ORC1: variants seen among roughly 807,000 people sequenced by gnomAD.
ORC1 encodes the protein origin recognition complex, subunit 1 homolog.
Under a neutral mutation model 98.9 loss-of-function variants are expected in ORC1, and 61 were observed. The ratio of observed to expected loss-of-function variants is 0.62; its 90% CI spans 0.50 to 0.76. ORC1 has a LOEUF of 0.76. Ranked by LOEUF, ORC1 falls within the 30% of genes least tolerant of loss-of-function variation. The probability of loss-of-function intolerance (pLI) is 0.00; values close to 1 mark genes in which losing one functional copy is unlikely to be tolerated. For missense variants in ORC1, 979 were observed against 1,072.2 expected, an observed-to-expected ratio of 0.91 and a Z score of 1.21; for synonymous variants, 385 against 406.9, an observed-to-expected ratio of 0.95 and a Z score of 0.65.
At position 52,397,669 on chromosome 1, in the gene ORC1, T is replaced by C. The variant is rs1286670269; in HGVS notation, c.402+16A>G. The C allele has an allele frequency of 1.9e-6, 3 of 1,613,498 alleles. No homozygotes were observed. In the South Asian group the frequency reaches 3.3e-5, roughly 18 times the overall value. On this transcript the variant is annotated intron_variant, in intron 4 of 16. Coordinates refer to ENST00000371568, the MANE Select transcript of ORC1 (RefSeq NM_004153.4). ...ATAAGCTTCAAGGTAGAACCAAGGA[T>C]GGTGGCATCACCTACCCGAACAAGG... is the stretch of plus-strand genomic sequence containing the variant.
intron 14 of ORC1, among the ~76,000 whole-genome samples, chr1:52,376,895 C>T (rs894281711): frequency 5.3e-5 from 8 of 152,174 alleles, no homozygotes; most frequent in Non-Finnish European, 1.0e-4. Flanking sequence ...GCACCTGAAA[C>T]TTGACCTCCA....
Position 52,388,442 on chromosome 1 carries a change from A to G in ORC1, c.1383T>C (p.Ser461=), listed in dbSNP as rs200773796. The change falls in exon 8 of 17, where the codon AGT becomes AGC. Residue 461 remains serine, a splice_region_variant and synonymous_variant. Coordinates refer to ENST00000371568, the MANE Select transcript of ORC1 (RefSeq NM_004153.4). ...GGAAGTAAACCTAGAAGAACCTTAC[A>G]CTCTTCTTTGGCACCTTCGTGAGGG... ...LHTLTKVPKK[S]LKPRTPRCAA... is the part of the protein sequence containing the mutation. 1.6e-4 allele frequency: 253 copies of G among 1,612,304 alleles called. No individual in the cohort carries two copies. Among genetic ancestry groups the G allele is most frequent in the Non-Finnish European group, 2.0e-4 (234 of 1,178,524 alleles).
Position 52,383,500 on chromosome 1 carries a change from C to A in ORC1, c.1933G>T (p.Ala645Ser). The A allele has an allele frequency of 6.2e-7, 1 of 1,613,814 alleles. No homozygotes were observed. The highest frequency in any genetic ancestry group is 8.5e-7 in the Non-Finnish European group (1 of 1,180,028). ...NLFDWPTHKE[A>S]RLVVLAIANT... The stretch of plus-strand genomic sequence containing the variant: ...GCAATTGCCAGGACCACAAGCCGGG[C>A]CTCCTTATGAGTGGGCCAGTCAAAG... Residue 645 changes from alanine to serine, a missense_variant, in exon 13 of 17, where the codon GCC becomes TCC. By Grantham distance (99) the Ala-to-Ser change is moderately conservative (BLOSUM62 1). Coordinates refer to ENST00000371568, the MANE Select transcript of ORC1 (RefSeq NM_004153.4).
At chr1:52,382,319 A>AGG (rs1356996435) in intron 13 of ORC1, among the ~76,000 whole-genome samples, 1 of 152,114 alleles carries the variant, frequency 6.6e-6, no homozygotes, top group Non-Finnish European at 1.5e-5. Context: ...GCCCGGCCTA[A>AGG]GGACCTTTGA....
chr1:52,373,368 C>G lies in ORC1; in HGVS notation c.2399G>C (p.Ser800Thr). ...LEEATFQQIY[S>T]QHVALCRMEG... is the part of the protein sequence containing the mutation. The stretch of plus-strand genomic sequence containing the variant: ...CATTCTGCACAGTGCCACATGTTGA[C>G]TATATATCTAGACACAAATAGCAAG... The change falls in exon 17 of 17, where the codon AGT (serine) becomes ACT (threonine). Residue 800 changes from serine (S) to threonine (T), a missense_variant. Coordinates refer to ENST00000371568, the MANE Select transcript of ORC1 (RefSeq NM_004153.4). 1 of 1,613,690 alleles carries G rather than the reference C, an allele frequency of 6.2e-7. No homozygotes were observed. Among genetic ancestry groups the G allele is most frequent in the Middle Eastern group, 1.7e-4 (1 of 6,060 alleles).
At chr1:52,406,102 T>C (rs1569971939), upstream of ORC1, among the ~76,000 whole-genome samples, 1 of 152,122 alleles carries the variant, frequency 6.6e-6, no homozygotes, top group Admixed American at 6.5e-5. Context: ...GATTCTCCTG[T>C]CTCAGCCTCC....
chr1:52,390,262 A>G (rs1397115480), intron 6 of ORC1, among the ~76,000 whole-genome samples: 2 of 152,222 alleles, frequency 1.3e-5, no homozygotes, highest in African/African-American at 2.4e-5. Flanking sequence ...CAAAAAGAAA[A>G]ATCTGGAGGC....
chr1:52,396,199 C>T lies in ORC1; in HGVS notation c.568G>A (p.Val190Met), dbSNP rs3087477. Residue 190 changes from valine (V) to methionine (M), a missense_variant, in exon 5 of 17, where the codon GTG becomes ATG. Val to Met is a conservative substitution (Grantham distance 21). Transcript: ENST00000371568. The part of the protein sequence containing the change: ...QESAAKCQKP[V>M]RAKSKSAESP... ...TCTGCACTCTTACTCTTGGCTCTCACGGGTTTCTGGCACTTGGCTGCACTC... is the reference window on the plus strand; with the variant it reads ...TCTGCACTCTTACTCTTGGCTCTCATGGGTTTCTGGCACTTGGCTGCACTC... 6,441 of 1,614,110 alleles carry T rather than the reference C, an allele frequency of 4.0e-3. 194 individuals carry two copies. In the African/African-American group the frequency reaches 0.072, roughly 18 times the overall value.
At chr1:52,407,882 C>T (rs565643589), upstream of ORC1, among the ~76,000 whole-genome samples, 3 of 152,336 alleles carry the variant, frequency 2.0e-5, no homozygotes, top group Non-Finnish European at 2.9e-5. Flanking sequence ...ATGGCAAAAC[C>T]GGTCCCTACT....
chr1:52,382,940 G>A (rs897505216), intron 13 of ORC1, among the ~76,000 whole-genome samples: 3 of 151,984 alleles, frequency 2.0e-5, no homozygotes, highest in Admixed American at 6.6e-5. Flanking sequence ...AAAAGTCCAC[G>A]AGCAGCAGAA....
At chr1:52,391,223 T>C (rs1304659886) in intron 6 of ORC1, among the ~76,000 whole-genome samples, 3 of 146,258 alleles carry the variant, frequency 2.1e-5, no homozygotes, top group African/African-American at 7.6e-5. Flanking sequence ...GCAGAAGAAT[T>C]GCTTGAACCC....
intron 11 of ORC1, 121 bp downstream of exon 11, chr1:52,384,429 A>C: frequency 1.1e-6 from 1 of 918,644 alleles, no homozygotes; most frequent in Non-Finnish European, 1.8e-6. Flanking sequence ...CTACCTCTAC[A>C]GAAAGGACAA....
At chr1:52,404,894 G>T (rs760946167), upstream of ORC1, 1 of 1,612,826 alleles carries the variant, frequency 6.2e-7, no homozygotes, top group Non-Finnish European at 8.5e-7. Context: ...GTGGAAGCGC[G>T]CGGAGCGCCT....
At chr1:52,391,869 G>C (rs1190724291) in intron 6 of ORC1, among the ~76,000 whole-genome samples, 2 of 149,546 alleles carry the variant, frequency 1.3e-5, no homozygotes, top group African/African-American at 5.0e-5. Context: ...CTGCACTCTA[G>C]CCTGGGCAAC....
intron 8 of ORC1, among the ~76,000 whole-genome samples, chr1:52,388,097 C>T (rs1469196628): frequency 6.6e-6 from 1 of 152,118 alleles, no homozygotes; most frequent in Non-Finnish European, 1.5e-5. Context: ...AAACTAACAC[C>T]ACAGCTCGGT....
chr1:52,392,419 C>G (rs1208640887), intron 6 of ORC1, among the ~76,000 whole-genome samples: 1 of 151,920 alleles, frequency 6.6e-6, no homozygotes, highest in South Asian at 2.1e-4. Flanking sequence ...TGAGCCACCG[C>G]GCCCAGCCAG....
In ORC1 at chr1:52,388,472, T is replaced by G. The variant is rs1253994398; in HGVS notation, c.1353A>C (p.Leu451Phe). The change falls in exon 8 of 17, where the codon TTA becomes TTC. Residue 451 changes from leucine (L) to phenylalanine (F), a missense_variant. By Grantham distance (22) the Leu-to-Phe change is conservative (BLOSUM62 0). Coordinates refer to ENST00000371568, the MANE Select transcript of ORC1 (RefSeq NM_004153.4). Reference sequence around the variant, plus strand: ...TCTTTGGCACCTTCGTGAGGGTATGTAAGGATGACTTCAAGGAAGATCGCA... The same window carrying G: ...TCTTTGGCACCTTCGTGAGGGTATGGAAGGATGACTTCAAGGAAGATCGCA... ...RNLRSSLKSS[L>F]HTLTKVPKKS... The G allele has an allele frequency of 1.2e-6, 2 of 1,614,098 alleles. No individual in the cohort carries two copies.
chr1:52,382,781 T>C (rs896922122), intron 13 of ORC1, among the ~76,000 whole-genome samples: 6 of 152,050 alleles, frequency 3.9e-5, no homozygotes, highest in African/African-American at 1.4e-4. Context: ...GGTTTCTCCA[T>C]GTTGGTCAGG....
intron 2 of ORC1, among the ~76,000 whole-genome samples, chr1:52,401,784 G>A (rs1432753781): frequency 6.6e-6 from 1 of 152,154 alleles, no homozygotes; most frequent in South Asian, 2.1e-4. Context: ...CTGTCAAGCT[G>A]CCCAGTAACA....
Sources: allele counts gnomAD v4.1 joint callset (sites outside exome capture counted in the v4.1 genomes callset), GRCh38; gene constraint gnomAD v4.1.1; transcripts MANE v1.5; gene names NCBI Gene and HGNC (gene_info 2026-07-23, HGNC 2026-07-21).